Variants in NELL1 observed in about 807,000 individuals in gnomAD.
The protein encoded by NELL1 is protein kinase C-binding protein NELL1.
NELL1 carries 76 observed loss-of-function variants against 107.4 expected under a neutral mutation model. The ratio of observed to expected loss-of-function variants is 0.71; its 90% CI spans 0.59 to 0.86. The LOEUF (loss-of-function observed/expected upper bound fraction) is 0.86. NELL1 is among the 40% of genes least tolerant of loss of function. NELL1 has a pLI of 0.00. For missense variants in NELL1, 1,024 were observed against 1,005.5 expected (o/e 1.02, Z -0.25); for synonymous variants, 353 against 341.2 (o/e 1.03, Z -0.38).
At chr11:21,380,132 T>C (rs1851576828) in intron 15 of NELL1, among the ~76,000 whole-genome samples, 1 of 152,072 alleles carries the variant, frequency 6.6e-6, no homozygotes, top group Non-Finnish European at 1.5e-5. Context: ...TCTCAGGTTG[T>C]CTGGCACATG....
chr11:21,372,160 C>T lies in NELL1; in HGVS notation c.1645+1212C>T, dbSNP rs141275778. ...AGAACCATGTACTACCTTTGCGCAG[C>T]GCAAGAGAATTACCACATAGAGCTA... is the stretch of plus-strand genomic sequence containing the variant. On this transcript the variant is annotated intron_variant, in intron 15 of 19. Transcript: ENST00000357134. 3.6e-3 allele frequency among the ~76,000 whole-genome samples: 545 copies of T among 151,790 alleles called. 2 individuals carry two copies. The highest frequency in any genetic ancestry group is 5.2e-3 in the Non-Finnish European group (354 of 67,924).
At chr11:21,331,292 T>C (rs565052705) in intron 14 of NELL1, among the ~76,000 whole-genome samples, 1 of 152,236 alleles carries the variant, frequency 6.6e-6, no homozygotes, top group East Asian at 1.9e-4. Context: ...TGTTTCCCTT[T>C]TTTTTAGAAC....
intron 13 of NELL1, among the ~76,000 whole-genome samples, chr11:21,197,894 G>C (rs2133844204): frequency 6.6e-6 from 1 of 152,244 alleles, no homozygotes; most frequent in South Asian, 2.1e-4. Flanking sequence ...TGTATCAGTT[G>C]CATCTATTGC....
chr11:21,509,618 G>A (rs910825133), intron 15 of NELL1, among the ~76,000 whole-genome samples: 4 of 151,982 alleles, frequency 2.6e-5, no homozygotes, highest in African/African-American at 9.7e-5. Flanking sequence ...ATTTTAAAAG[G>A]TAAAATTACA....
intron 14 of NELL1, among the ~76,000 whole-genome samples, chr11:21,356,788 T>C (rs2133729738): frequency 6.6e-6 from 1 of 152,294 alleles, no homozygotes; most frequent in East Asian, 1.9e-4. Context: ...ATGTGTAGTC[T>C]TTTATCCCTT....
intron 5 of NELL1, among the ~76,000 whole-genome samples, chr11:20,910,394 T>A (rs1383054161): frequency 6.6e-6 from 1 of 152,204 alleles, no homozygotes; most frequent in South Asian, 2.1e-4. Context: ...ACAAAGTCAC[T>A]GTTCAAAATG....
intron 14 of NELL1, among the ~76,000 whole-genome samples, chr11:21,363,396 T>C (rs1590870382): frequency 1.3e-5 from 2 of 152,232 alleles, no homozygotes; most frequent in Non-Finnish European, 2.9e-5. Flanking sequence ...CAAGTGGAGA[T>C]GTGTGTTCAG....
chr11:20,731,520 A>G (rs7107751), intron 2 of NELL1, among the ~76,000 whole-genome samples: 18,232 of 152,202 alleles, frequency 0.12, 1,203 homozygotes, highest in Non-Finnish European at 0.15. Context: ...ATGGCTCTGT[A>G]AGTGTAAATG....
chr11:21,181,060 G>A (rs1476838710), intron 13 of NELL1, among the ~76,000 whole-genome samples: 1 of 151,764 alleles, frequency 6.6e-6, no homozygotes, highest in African/African-American at 2.4e-5. Context: ...TTTCTTTGGT[G>A]AACTGGATAC....
At chr11:21,276,583 T>C (rs1473187032) in intron 14 of NELL1, among the ~76,000 whole-genome samples, 1 of 152,116 alleles carries the variant, frequency 6.6e-6, no homozygotes, top group Non-Finnish European at 1.5e-5. Flanking sequence ...AGAGCCTGCA[T>C]TGCCAAGTCA....
chr11:20,729,671 T>G (rs1855585996), intron 2 of NELL1, among the ~76,000 whole-genome samples: 1 of 152,200 alleles, frequency 6.6e-6, no homozygotes, highest in South Asian at 2.1e-4. Context: ...CATCCTTTCA[T>G]CTATCCATCC....
intron 14 of NELL1, among the ~76,000 whole-genome samples, chr11:21,359,810 G>GTATTT (rs1376545381): frequency 1.3e-5 from 2 of 152,078 alleles, no homozygotes; most frequent in African/African-American, 4.8e-5. Context: ...ATGATCTTTT[G>GTATTT]TATTTCTGTG....
intron 13 of NELL1, among the ~76,000 whole-genome samples, chr11:21,226,046 G>A (rs574864975): frequency 1.4e-4 from 21 of 152,200 alleles, no homozygotes; most frequent in Admixed American, 7.2e-4. Context: ...TCCGTCTTTC[G>A]CAATCACTTG....
chr11:21,284,191 G>A, intron 14 of NELL1: 1 of 454,996 alleles, frequency 2.2e-6, no homozygotes, highest in Non-Finnish European at 4.4e-6. Flanking sequence ...ACAACATGTT[G>A]CATACCACCC....
chr11:21,461,929 G>C (rs1330633201), intron 15 of NELL1, among the ~76,000 whole-genome samples: 1 of 152,110 alleles, frequency 6.6e-6, no homozygotes, highest in Non-Finnish European at 1.5e-5. Flanking sequence ...CAATGTGGAA[G>C]CCAGGGAATA....
chr11:20,735,595 G>C (rs1305490671), intron 2 of NELL1, among the ~76,000 whole-genome samples: 1 of 152,172 alleles, frequency 6.6e-6, no homozygotes, highest in Non-Finnish European at 1.5e-5. Flanking sequence ...TTCAAGATGA[G>C]ATTTGGGTGG....
At chr11:21,200,980 A>G (rs1857256491) in intron 13 of NELL1, among the ~76,000 whole-genome samples, 1 of 152,034 alleles carries the variant, frequency 6.6e-6, no homozygotes, top group Admixed American at 6.6e-5. Context: ...GTTCTGTTCC[A>G]TTGGTCTATA....
At chr11:20,843,546 C>G (rs866811149) in intron 3 of NELL1, among the ~76,000 whole-genome samples, 12 of 143,216 alleles carry the variant, frequency 8.4e-5, no homozygotes, top group South Asian at 4.4e-4. Flanking sequence ...TTGAATATAT[C>G]TAGCCCTTCT....
At chr11:21,496,880 G>T (rs887535862) in intron 15 of NELL1, among the ~76,000 whole-genome samples, 4 of 152,050 alleles carry the variant, frequency 2.6e-5, no homozygotes, top group Admixed American at 6.6e-5. Context: ...GCAGTGTTTG[G>T]TTTTTTTGTC....
Sources: gnomAD v4.1 joint callset for allele counts (sites outside exome capture counted in the v4.1 genomes callset) on GRCh38, gnomAD v4.1.1 for gene constraint, MANE v1.5 for transcripts, NCBI Gene and HGNC (gene_info 2026-07-23, HGNC 2026-07-21) for gene names.